The following PANX1 variants were observed in gnomAD, a reference collection of about 807,000 sequenced individuals.
PANX1 encodes the protein pannexin 1.
In PANX1, 30 loss-of-function variants were observed where a neutral mutation model predicts 38.7. The ratio of observed to expected loss-of-function variants is 0.78; its 90% confidence interval spans 0.58 to 1.05. The LOEUF (loss-of-function observed/expected upper bound fraction) is 1.05. Ranked by LOEUF, PANX1 falls within the 50% of genes least tolerant of loss-of-function variation. PANX1 has a pLI of 0.00. For synonymous variants in PANX1, 230 were observed against 212.2 expected (o/e 1.08, Z -0.73); for missense variants, 551 against 517.2 (o/e 1.07, Z -0.63).
intron 2 of PANX1, among the ~76,000 whole-genome samples, chr11:94,160,158 A>G (rs560743515): frequency 1.4e-4 from 21 of 152,222 alleles, no homozygotes; most frequent in Non-Finnish European, 8.8e-5. Context: ...TATGTGGTCA[A>G]TTTTGGAATA....
At chr11:94,136,663 G>A (rs956482655) in intron 1 of PANX1, among the ~76,000 whole-genome samples, 1 of 152,112 alleles carries the variant, frequency 6.6e-6, no homozygotes, top group African/African-American at 2.4e-5. Context: ...AGCTACTCAG[G>A]AGGCTGAGGC....
chr11:94,168,471 A>G (rs1428805271), intron 2 of PANX1, among the ~76,000 whole-genome samples: 1 of 151,060 alleles, frequency 6.6e-6, no homozygotes, highest in Non-Finnish European at 1.5e-5. Context: ...GTAAGCACAG[A>G]GTGAGGGTTC....
intron 2 of PANX1, among the ~76,000 whole-genome samples, chr11:94,176,173 G>A (rs894332813): frequency 6.6e-5 from 10 of 151,586 alleles, no homozygotes; most frequent in Non-Finnish European, 1.5e-4. Context: ...CTACTTCAAA[G>A]TTTCAATAGC....
intron 2 of PANX1, 40 bp from the exon 3 acceptor site, chr11:94,178,329 G>A (rs991829163): frequency 6.8e-7 from 1 of 1,464,628 alleles, no homozygotes; most frequent in Non-Finnish European, 9.6e-7. Context: ...TACTGCATGG[G>A]GGGTTTGTTA....
chr11:94,166,167 C>T lies in PANX1; in HGVS notation c.322-12202C>T, dbSNP rs1947099915. 2.6e-5 allele frequency among the ~76,000 whole-genome samples: 4 copies of T among 152,090 alleles called. No homozygotes were observed. The South Asian group carries it at 8.3e-4, about 32-fold the overall frequency. On this transcript the variant is annotated intron_variant, in intron 2 of 4. Transcript: ENST00000227638. The stretch of plus-strand genomic sequence containing the variant: ...TTTGATACGTTTACCTTAGGGTCTT[C>T]ATTTTAAGGTATGAGTGGTTTACAT...
chr11:94,172,028 AAAAC>A (rs1316594132), intron 2 of PANX1, among the ~76,000 whole-genome samples: 2 of 151,250 alleles, frequency 1.3e-5, no homozygotes, highest in Non-Finnish European at 2.9e-5. Context: ...AACAATAAGA[AAAAC>A]AAGAACAAAA....
intron 1 of PANX1, among the ~76,000 whole-genome samples, chr11:94,133,948 G>A (rs1015279069): frequency 6.6e-6 from 1 of 152,182 alleles, no homozygotes; most frequent in African/African-American, 2.4e-5. Context: ...TTGGAAGTGC[G>A]CCCTCTGAGT....
chr11:94,154,545 C>T (rs981656201), intron 2 of PANX1, among the ~76,000 whole-genome samples: 1 of 152,116 alleles, frequency 6.6e-6, no homozygotes, highest in African/African-American at 2.4e-5. Flanking sequence ...TTTCGAAAAC[C>T]CAAAAGCCAA....
At chr11:94,148,669 T>C (rs541928490) in intron 1 of PANX1, among the ~76,000 whole-genome samples, 11 of 152,334 alleles carry the variant, frequency 7.2e-5, no homozygotes, top group African/African-American at 2.4e-4. Context: ...TTGGATCCCA[T>C]ATATATGGGG....
At chr11:94,151,741 G>A (rs918081624) in intron 1 of PANX1, among the ~76,000 whole-genome samples, 6 of 152,164 alleles carry the variant, frequency 3.9e-5, no homozygotes, top group Non-Finnish European at 7.4e-5. Context: ...ACAGTCAGAA[G>A]GGACCTTGAA....
intron 2 of PANX1, among the ~76,000 whole-genome samples, chr11:94,161,574 G>A (rs952095692): frequency 5.3e-5 from 8 of 152,104 alleles, no homozygotes; most frequent in Non-Finnish European, 8.8e-5. Flanking sequence ...AGCTCCATCA[G>A]GTCCTTTAAG....
At chr11:94,147,128 TGGTA>T (rs1350206865) in intron 1 of PANX1, among the ~76,000 whole-genome samples, 1 of 152,210 alleles carries the variant, frequency 6.6e-6, no homozygotes. Flanking sequence ...TGTAATCTTT[TGGTA>T]GGTCTGAAAA....
chr11:94,171,930 T>C (rs977140312), intron 2 of PANX1, among the ~76,000 whole-genome samples: 2 of 151,234 alleles, frequency 1.3e-5, no homozygotes, highest in Non-Finnish European at 2.9e-5. Flanking sequence ...TTGAGTGTTC[T>C]GTTCCCTTTG....
intron 2 of PANX1, among the ~76,000 whole-genome samples, chr11:94,172,974 T>C (rs1437331917): frequency 6.6e-6 from 1 of 151,780 alleles, no homozygotes; most frequent in African/African-American, 2.4e-5. Context: ...CCTTTGGTGC[T>C]GAATAGAAGC....
In PANX1 at chr11:94,170,016, C is replaced by T. The variant is rs568646909; in HGVS notation, c.322-8353C>T. On this transcript the variant is annotated intron_variant, in intron 2 of 4. Coordinates refer to ENST00000227638, the MANE Select transcript of PANX1 (RefSeq NM_015368.4). Reference sequence around the variant, plus strand: ...AGTAATCGCAGCTGCTTTATTTCTACGTTGATCTCTTTTTCAAGTTTTTCT... The same window carrying T: ...AGTAATCGCAGCTGCTTTATTTCTATGTTGATCTCTTTTTCAAGTTTTTCT... Among the ~76,000 whole-genome samples the T allele has an allele frequency of 6.8e-4, 104 of 151,838 alleles. 1 individual carries two copies. Among genetic ancestry groups the T allele is most frequent in the Non-Finnish European group, 1.3e-3 (90 of 68,014 alleles).
At chr11:94,162,254 A>G (rs1947050442) in intron 2 of PANX1, among the ~76,000 whole-genome samples, 1 of 152,206 alleles carries the variant, frequency 6.6e-6, no homozygotes, top group South Asian at 2.1e-4. Context: ...GCTGTCAGAC[A>G]GGGACATTTA....
At chr11:94,136,288 C>T (rs546583052) in intron 1 of PANX1, among the ~76,000 whole-genome samples, 1 of 152,124 alleles carries the variant, frequency 6.6e-6, no homozygotes, top group South Asian at 2.1e-4. Context: ...TTTTGATGTG[C>T]TCTTGGTTTT....
chr11:94,161,089 A>C (rs1444446408), intron 2 of PANX1, among the ~76,000 whole-genome samples: 3 of 152,194 alleles, frequency 2.0e-5, no homozygotes, highest in Admixed American at 1.3e-4. Flanking sequence ...TCTGCCGAGA[A>C]ATCAGCTGTT....
Position 94,155,407 on chromosome 11 carries a change from G to A in PANX1, c.321+1777G>A, listed in dbSNP as rs189126629. ...TGCATGCCTGTAGTCTCAGTTACTC[G>A]GGAGGCTGAGGCAGGAGAATCACTT... On this transcript the variant is annotated intron_variant, in intron 2 of 4. Transcript: ENST00000227638. Among the ~76,000 whole-genome samples, 1,372 of 151,474 alleles carry A rather than the reference G, an allele frequency of 9.1e-3. 14 individuals are homozygous for A. Among genetic ancestry groups the A allele is most frequent in the South Asian group, 0.025 (117 of 4,774 alleles).
Sources: allele counts gnomAD v4.1 joint callset (sites outside exome capture counted in the v4.1 genomes callset), GRCh38; gene constraint gnomAD v4.1.1; transcripts MANE v1.5; gene names NCBI Gene and HGNC (gene_info 2026-07-23, HGNC 2026-07-21).